The following EIF5B variants were observed in gnomAD, a reference collection of about 807,000 sequenced individuals.
EIF5B encodes the protein eIF-5B.
In EIF5B, 47 loss-of-function variants were observed where a neutral mutation model predicts 147.5. The ratio of observed to expected loss-of-function variants is 0.32; its 90% confidence interval spans 0.25 to 0.41. EIF5B has a LOEUF of 0.41. Among genes scored for constraint, EIF5B ranks in the 10% least tolerant of loss-of-function variants. The pLI, the probability that EIF5B is intolerant of heterozygous loss-of-function variation, is 1.00. For synonymous variants in EIF5B, 455 were observed against 456.2 expected (o/e 1.00, Z 0.03); for missense variants, 1,064 against 1,413.2 (o/e 0.75, Z 3.96).
chr2:99,367,720 G>A (rs1674359705), intron 6 of EIF5B, among the ~76,000 whole-genome samples: 1 of 152,138 alleles, frequency 6.6e-6, no homozygotes, highest in Non-Finnish European at 1.5e-5. Flanking sequence ...TTCCCAAAGT[G>A]CTGGGATTAC....
chr2:99,382,490 G>T (rs931861870), intron 13 of EIF5B, among the ~76,000 whole-genome samples: 1 of 152,074 alleles, frequency 6.6e-6, no homozygotes, highest in Non-Finnish European at 1.5e-5. Flanking sequence ...TGTAAAACCC[G>T]TTACAAGTGG....
rs768458418 is a variant in EIF5B at position 99,361,440 on chromosome 2, T to G, written c.539T>G (p.Ile180Arg). ...AAAAAAATTAAAGAGCGTTCAAGAA[T>G]AAATTCTTCTGGTGAAAGTGGTGAT... Reference protein sequence around the residue: ...NSKKIKERSRINSSGESGDES... With the variant: ...NSKKIKERSRRNSSGESGDES... The change falls in exon 4 of 24, where the codon ATA becomes AGA. Residue 180 changes from isoleucine (I) to arginine (R), a missense_variant. Ile to Arg is a moderately conservative substitution (Grantham distance 97). Transcript: ENST00000289371. 1.2e-6 allele frequency: 2 copies of G among 1,613,992 alleles called. No individual in the cohort carries two copies. The highest frequency in any genetic ancestry group is 1.7e-6 in the Non-Finnish European group (2 of 1,180,008).
chr2:99,399,094 C>A, intron 23 of EIF5B, 185 bp downstream of exon 23: 1 of 820,486 alleles, frequency 1.2e-6, no homozygotes, highest in Non-Finnish European at 1.9e-6. Flanking sequence ...AGGAAAGCAG[C>A]ACCAACAGAG....
intron 10 of EIF5B, among the ~76,000 whole-genome samples, chr2:99,377,228 T>A (rs1294732358): frequency 6.6e-6 from 1 of 152,148 alleles, no homozygotes; most frequent in Non-Finnish European, 1.5e-5. Flanking sequence ...ATTTTAGCTT[T>A]CCTTTTTGTG....
chr2:99,369,535 G>T (rs1674399228), intron 8 of EIF5B, 54 bp downstream of exon 8: 1 of 1,446,386 alleles, frequency 6.9e-7, no homozygotes, highest in Non-Finnish European at 9.5e-7. Flanking sequence ...AATAGTGTTG[G>T]TGTGTCATAA....
chr2:99,337,638 A>G, intron 1 of EIF5B, 49 bp downstream of exon 1: 1 of 1,578,600 alleles, frequency 6.3e-7, no homozygotes, highest in Non-Finnish European at 8.6e-7. Flanking sequence ...GGCTCAGTGG[A>G]GTGTGCGGGT....
At chr2:99,382,553 A>C (rs897883701) in intron 13 of EIF5B, among the ~76,000 whole-genome samples, 2 of 152,218 alleles carry the variant, frequency 1.3e-5, no homozygotes, top group African/African-American at 4.8e-5. Flanking sequence ...AAACTTGGTC[A>C]GTAAAATTAT....
In EIF5B at chr2:99,382,168, G is replaced by A. The variant is rs79534644; in HGVS notation, c.2071G>A (p.Glu691Lys). 5.4e-5 allele frequency: 87 copies of A among 1,612,742 alleles called. No individual in the cohort carries two copies. In the East Asian group the frequency reaches 1.9e-3, roughly 35 times the overall value. ...TCCCCATTGTTTCTAGTTTGATAGAGAGAATGTACGGATTCCAGGAATGCT... is the reference window on the plus strand; with the variant it reads ...TCCCCATTGTTTCTAGTTTGATAGAAAGAATGTACGGATTCCAGGAATGCT... Reference protein sequence around the residue: ...QTKMIKNFDRENVRIPGMLII... With the variant: ...QTKMIKNFDRKNVRIPGMLII... Residue 691 changes from glutamate to lysine, a missense_variant, in exon 13 of 24, where the codon GAG becomes AAG. Coordinates refer to ENST00000289371, the MANE Select transcript of EIF5B (RefSeq NM_015904.4).
chr2:99,345,558 C>A (rs192620099), intron 1 of EIF5B, among the ~76,000 whole-genome samples: 3 of 146,270 alleles, frequency 2.1e-5, no homozygotes, highest in Non-Finnish European at 3.0e-5. Context: ...TGCACCACTG[C>A]GCTCCAGCCT....
In EIF5B at chr2:99,360,266, G is replaced by A; in HGVS notation, c.66G>A (p.Leu22=). The A allele has an allele frequency of 6.2e-7, 1 of 1,606,970 alleles. No homozygotes were observed. Among genetic ancestry groups the A allele is most frequent in the Non-Finnish European group, 8.5e-7 (1 of 1,177,984 alleles). ...AGGATGACATTGATCTTGATGCCTT[G>A]GCTGCAGAAATAGAAGGAGCTGGTG... is the stretch of plus-strand genomic sequence containing the variant. The part of the protein sequence containing the change: ...STKDDIDLDA[L]AAEIEGAGAA... Residue 22 remains leucine, a synonymous_variant, in exon 2 of 24, where the codon TTG becomes TTA. Transcript: ENST00000289371.
chr2:99,350,113 T>C (rs1224347258), intron 1 of EIF5B, among the ~76,000 whole-genome samples: 1 of 152,226 alleles, frequency 6.6e-6, no homozygotes, highest in African/African-American at 2.4e-5. Context: ...TGTCACAAAA[T>C]GACAGGATTT....
At chr2:99,374,385 T>G (rs920773065) in intron 9 of EIF5B, among the ~76,000 whole-genome samples, 2 of 152,106 alleles carry the variant, frequency 1.3e-5, no homozygotes, top group Non-Finnish European at 2.9e-5. Flanking sequence ...TAGTCAATAC[T>G]TACTATTTAT....
chr2:99,341,902 C>T (rs979832074), intron 1 of EIF5B, among the ~76,000 whole-genome samples: 3 of 152,142 alleles, frequency 2.0e-5, no homozygotes, highest in Admixed American at 2.0e-4. Context: ...CATCATCACA[C>T]ATCATTTAGC....
chr2:99,398,703 G>T (rs750958439), intron 22 of EIF5B, 45 bp from the exon 23 acceptor site: 3 of 1,566,574 alleles, frequency 1.9e-6, no homozygotes, highest in Non-Finnish European at 2.6e-6. Context: ...CCTGTGATTG[G>T]CATGAATTCT....
At chr2:99,385,147 A>C (rs985745737) in intron 14 of EIF5B, among the ~76,000 whole-genome samples, 1 of 152,148 alleles carries the variant, frequency 6.6e-6, no homozygotes. Context: ...TCCGGGTTCA[A>C]GCGATTCTCC....
At chr2:99,372,131 C>A (rs910829758) in intron 9 of EIF5B, among the ~76,000 whole-genome samples, 1 of 152,142 alleles carries the variant, frequency 6.6e-6, no homozygotes, top group Non-Finnish European at 1.5e-5. Context: ...TTACTGAAAT[C>A]TCTACTTCGA....
intron 14 of EIF5B, among the ~76,000 whole-genome samples, chr2:99,385,478 G>A (rs7584127): frequency 0.44 from 66,463 of 152,050 alleles, 14,808 homozygotes; most frequent in Admixed American, 0.57. Context: ...CATCAACATC[G>A]AGGCAAGACC....
chr2:99,387,176 G>A (rs534149607), intron 14 of EIF5B, among the ~76,000 whole-genome samples: 2 of 152,252 alleles, frequency 1.3e-5, no homozygotes, highest in African/African-American at 4.8e-5. Flanking sequence ...CCAAAGCCCT[G>A]GGATTTCAGG....
intron 7 of EIF5B, among the ~76,000 whole-genome samples, chr2:99,368,860 AT>A: frequency 6.6e-6 from 1 of 152,360 alleles, no homozygotes; most frequent in African/African-American, 2.4e-5. Flanking sequence ...TACCATTCTT[AT>A]CTTTTCTTGG....
Sources: allele counts gnomAD v4.1 joint callset (sites outside exome capture counted in the v4.1 genomes callset), GRCh38; gene constraint gnomAD v4.1.1; transcripts MANE v1.5; gene names NCBI Gene and HGNC (gene_info 2026-07-23, HGNC 2026-07-21).